KCNIP4: variants seen among roughly 807,000 people sequenced by gnomAD.
KCNIP4 encodes the protein Kv channel-interacting protein 4.
In KCNIP4, 12 loss-of-function variants were observed where a neutral mutation model predicts 34.0. The observed-to-expected ratio is 0.35, with a 90% CI of 0.23 to 0.57. The LOEUF is 0.57. KCNIP4 is among the 20% of genes least tolerant of loss of function. KCNIP4 has a pLI of 0.83. For missense variants in KCNIP4, 238 were observed against 311.7 expected, an observed-to-expected ratio of 0.76 and a Z score of 1.78; for synonymous variants, 124 against 102.2, an observed-to-expected ratio of 1.21 and a Z score of -1.29.
intron 1 of KCNIP4, among the ~76,000 whole-genome samples, chr4:21,578,221 C>A (rs1488898782): frequency 6.7e-6 from 1 of 148,686 alleles, no homozygotes; most frequent in Non-Finnish European, 1.5e-5. Context: ...GTAATCCCAG[C>A]TACTTAGGAG....
In KCNIP4 at chr4:21,425,562, T is replaced by A. The variant is rs865851514; in HGVS notation, c.61+523009A>T. Among the ~76,000 whole-genome samples the A allele has an allele frequency of 3.3e-5, 5 of 152,176 alleles. No individual in the cohort carries two copies. In the South Asian group the frequency reaches 1.0e-3, roughly 32 times the overall value. On this transcript the variant is annotated intron_variant, in intron 1 of 8. Coordinates refer to ENST00000382152, the MANE Select transcript of KCNIP4 (RefSeq NM_025221.6). ...AAAAAATAAAATGAATATGCAAATT[T>A]TTGGAAGATATTTTGTATATTCAAA...
intron 1 of KCNIP4, among the ~76,000 whole-genome samples, chr4:21,437,928 G>A (rs914363554): frequency 7.1e-6 from 1 of 140,904 alleles, no homozygotes; most frequent in South Asian, 2.3e-4. Flanking sequence ...TGTGTGTTTG[G>A]TTACTGATCT....
intron 2 of KCNIP4, among the ~76,000 whole-genome samples, chr4:20,871,156 T>C (rs1199599205): frequency 2.0e-5 from 3 of 152,138 alleles, no homozygotes; most frequent in South Asian, 2.1e-4. Flanking sequence ...GTGCCTATTA[T>C]GACCCAGGCA....
At chr4:21,694,194 C>T (rs1560636242) in intron 1 of KCNIP4, among the ~76,000 whole-genome samples, 1 of 152,152 alleles carries the variant, frequency 6.6e-6, no homozygotes, top group Non-Finnish European at 1.5e-5. Flanking sequence ...TCCTATCATA[C>T]ACAAATAGAA....
intron 1 of KCNIP4, among the ~76,000 whole-genome samples, chr4:21,551,943 G>A (rs905018576): frequency 6.6e-6 from 1 of 151,356 alleles, no homozygotes; most frequent in Admixed American, 6.6e-5. Flanking sequence ...TTTTTCCCCA[G>A]TGAGCCTCTG....
At chr4:21,512,863 T>G (rs924946191) in intron 1 of KCNIP4, among the ~76,000 whole-genome samples, 2 of 152,244 alleles carry the variant, frequency 1.3e-5, no homozygotes, top group African/African-American at 4.8e-5. Flanking sequence ...GAATGTCCAG[T>G]TAATTGCAGC....
At chr4:21,564,966 A>G (rs957626193) in intron 1 of KCNIP4, among the ~76,000 whole-genome samples, 6 of 152,132 alleles carry the variant, frequency 3.9e-5, no homozygotes, top group Admixed American at 1.3e-4. Flanking sequence ...ATCTCCCCCA[A>G]TTAGGCCACA....
chr4:21,819,717 T>C (rs1722212972), intron 1 of KCNIP4, among the ~76,000 whole-genome samples: 1 of 152,162 alleles, frequency 6.6e-6, no homozygotes, highest in Admixed American at 6.6e-5. Context: ...TTATGTGTGC[T>C]GTGGGGTAAG....
chr4:21,248,199 T>C (rs1190424501), intron 1 of KCNIP4, among the ~76,000 whole-genome samples: 1 of 151,896 alleles, frequency 6.6e-6, no homozygotes, highest in African/African-American at 2.4e-5. Flanking sequence ...CGTACCTCTC[T>C]CTTGCCTTGT....
At chr4:20,922,582 TATCTCC>T (rs1729514902) in intron 1 of KCNIP4, among the ~76,000 whole-genome samples, 1 of 144,876 alleles carries the variant, frequency 6.9e-6, no homozygotes, top group Non-Finnish European at 1.5e-5. Flanking sequence ...TCTATCTATC[TATCTCC>T]TATTGGTTCT....
intron 3 of KCNIP4, among the ~76,000 whole-genome samples, chr4:20,820,288 C>T (rs1300461739): frequency 6.6e-6 from 1 of 152,126 alleles, no homozygotes. Context: ...AAAAGCCATC[C>T]TGTTTATAAA....
rs1430638578 is a variant in KCNIP4 at position 21,625,902 on chromosome 4, T to C, written c.61+322669A>G. On this transcript the variant is annotated intron_variant, in intron 1 of 8. Transcript: ENST00000382152. ...GCCAATTCATCTTAGTCTCTCTTGG[T>C]TTGGAATGAATATTTGGTTGGTTTA... Among the ~76,000 whole-genome samples the C allele has an allele frequency of 2.0e-5, 3 of 152,222 alleles. No individual in the cohort carries two copies. In the East Asian group the frequency reaches 5.8e-4, roughly 29 times the overall value.
chr4:21,895,214 C>T (rs1308492238), intron 1 of KCNIP4, among the ~76,000 whole-genome samples: 5 of 152,102 alleles, frequency 3.3e-5, no homozygotes, highest in African/African-American at 1.2e-4. Flanking sequence ...ATAAGATAAT[C>T]TTGATTGAGC....
At chr4:21,725,649 C>T (rs754310977) in intron 1 of KCNIP4, among the ~76,000 whole-genome samples, 6 of 152,060 alleles carry the variant, frequency 3.9e-5, no homozygotes, top group Non-Finnish European at 8.8e-5. Flanking sequence ...TTCTACCTTA[C>T]CTTCTCTGTA....
In KCNIP4 at chr4:21,279,033, T is replaced by C. The variant is rs1313607224; in HGVS notation, c.62-396324A>G. ...GTTGTTAGAGAGGATAATCCTCATG[T>C]TCCATATGTGGAAGACAGGTAATAC... On this transcript the variant is annotated intron_variant, in intron 1 of 8. Transcript: ENST00000382152. Among the ~76,000 whole-genome samples the C allele has an allele frequency of 2.0e-5, 3 of 152,184 alleles. 1 individual carries two copies. Among genetic ancestry groups the C allele is most frequent in the Non-Finnish European group, 4.4e-5 (3 of 68,034 alleles).
chr4:21,281,066 C>CA (rs1327555055), intron 1 of KCNIP4, among the ~76,000 whole-genome samples: 2 of 146,794 alleles, frequency 1.4e-5, no homozygotes, highest in South Asian at 2.1e-4. Context: ...CTATTTTTAA[C>CA]AAAAAAAGTT....
rs1392345899 is a variant in KCNIP4 at position 21,022,919 on chromosome 4, A to G, written c.62-140210T>C. Among the ~76,000 whole-genome samples the G allele has an allele frequency of 2.0e-5, 3 of 152,060 alleles. No individual in the cohort carries two copies. In the East Asian group the frequency reaches 5.8e-4, roughly 29 times the overall value. The stretch of plus-strand genomic sequence containing the variant: ...CGGCTCACTGCAACCTCCACCTCCC[A>G]GATTCAAGCAATTCCGCCTCAGCCT... On this transcript the variant is annotated intron_variant, in intron 1 of 8. Transcript: ENST00000382152.
chr4:21,441,004 T>A (rs371576631), intron 1 of KCNIP4, among the ~76,000 whole-genome samples: 1 of 152,234 alleles, frequency 6.6e-6, no homozygotes, highest in Non-Finnish European at 1.5e-5. Flanking sequence ...GTCAAAATCA[T>A]CTTCCTTGTC....
chr4:20,738,932 G>A (rs1750366861), intron 5 of KCNIP4, among the ~76,000 whole-genome samples: 1 of 152,206 alleles, frequency 6.6e-6, no homozygotes, highest in Non-Finnish European at 1.5e-5. Flanking sequence ...GGCACACCAG[G>A]AGATTATATA....
Sources: gnomAD v4.1 joint callset for allele counts (sites outside exome capture counted in the v4.1 genomes callset) on GRCh38, gnomAD v4.1.1 for gene constraint, MANE v1.5 for transcripts, NCBI Gene and HGNC (gene_info 2026-07-23, HGNC 2026-07-21) for gene names.